The following SIPA1L3 variants were observed in gnomAD, a reference collection of about 807,000 sequenced individuals.
The protein encoded by SIPA1L3 is signal induced proliferation associated 1 like 3.
A neutral mutation model predicts 150.1 loss-of-function variants in SIPA1L3; 59 were observed. That is an observed-to-expected ratio of 0.39 (90% confidence interval 0.32 to 0.49). The LOEUF (loss-of-function observed/expected upper bound fraction) is 0.49. SIPA1L3 is among the 20% of genes least tolerant of loss of function. SIPA1L3 has a pLI of 0.86. For synonymous variants in SIPA1L3, 1,070 were observed against 1,077.6 expected (o/e 0.99, Z 0.14); for missense variants, 2,211 against 2,489.5 (o/e 0.89, Z 2.38).
At chr19:38,064,137 C>T (rs531772070) in intron 2 of SIPA1L3, among the ~76,000 whole-genome samples, 4 of 152,232 alleles carry the variant, frequency 2.6e-5, no homozygotes, top group African/African-American at 9.6e-5. Context: ...CTCATTAGAG[C>T]GAATAGGACT....
intron 8 of SIPA1L3, among the ~76,000 whole-genome samples, chr19:38,110,648 T>C (rs1970717442): frequency 6.6e-6 from 1 of 152,214 alleles, no homozygotes. Flanking sequence ...TCAATGTGGC[T>C]TAAGACAAAA....
At chr19:37,996,654 A>G (rs959557015) in intron 1 of SIPA1L3, among the ~76,000 whole-genome samples, 6 of 151,964 alleles carry the variant, frequency 3.9e-5, no homozygotes, top group Non-Finnish European at 5.9e-5. Context: ...GTGTCCTTTG[A>G]CCAACATCTC....
intron 1 of SIPA1L3, among the ~76,000 whole-genome samples, chr19:38,025,061 A>G (rs73930332): frequency 2.6e-5 from 4 of 152,172 alleles, no homozygotes; most frequent in African/African-American, 9.6e-5. Flanking sequence ...CAGGTGGCAA[A>G]GAAGTCCTCA....
intron 16 of SIPA1L3, among the ~76,000 whole-genome samples, chr19:38,190,246 G>C (rs1361599397): frequency 6.6e-6 from 1 of 152,202 alleles, no homozygotes; most frequent in Admixed American, 6.5e-5. Flanking sequence ...ACTGCCGGGA[G>C]ATGGGCACCA....
intron 9 of SIPA1L3, among the ~76,000 whole-genome samples, chr19:38,125,405 C>T (rs1168900424): frequency 6.6e-6 from 1 of 152,166 alleles, no homozygotes; most frequent in Non-Finnish European, 1.5e-5. Flanking sequence ...GTTTCTTGAG[C>T]AGGGACCATG....
intron 2 of SIPA1L3, among the ~76,000 whole-genome samples, chr19:38,029,856 CTT>C (rs35091359): frequency 8.3e-5 from 10 of 120,814 alleles, no homozygotes; most frequent in African/African-American, 1.3e-4. Flanking sequence ...ACCTCGGCCT[CTT>C]TTTTTTTTTT....
chr19:38,119,808 C>T lies in SIPA1L3; in HGVS notation c.2794C>T (p.Arg932Ter), dbSNP rs1970976303. ...DSSTLKIFYG[R>*]GDHIFLQATE... ...CTCCACACTCAAAATCTTCTATGGACGAGGAGACCACATCTTCCTACAGGC... is the reference window on the plus strand; with the variant it reads ...CTCCACACTCAAAATCTTCTATGGATGAGGAGACCACATCTTCCTACAGGC... The change falls in exon 9 of 22, where the codon CGA becomes TGA. Residue 932 changes from arginine to a stop codon, truncating the protein, a stop_gained. Coordinates refer to ENST00000222345, the MANE Select transcript of SIPA1L3 (RefSeq NM_015073.3). LOFTEE classifies it high-confidence loss of function. 3.1e-6 allele frequency: 5 copies of T among 1,613,710 alleles called. No homozygotes were observed. The highest frequency in any genetic ancestry group is 4.2e-6 in the Non-Finnish European group (5 of 1,180,034).
In SIPA1L3 at chr19:37,967,952, C is replaced by T. The variant is rs114857782; in HGVS notation, c.-379+60594C>T. Among the ~76,000 whole-genome samples, 457 of 139,552 alleles carry T rather than the reference C, an allele frequency of 3.3e-3. 6 individuals are homozygous for T. The highest frequency in any genetic ancestry group is 0.01 in the African/African-American group (417 of 40,592). 91.6% of individuals were successfully genotyped at this position (139,552 alleles called of 152,430 possible). ...GGGATTACGGGAGTGAGCCCTGGCG[C>T]CCAGCCACTTACGTTATTGATTCAT... On this transcript the variant is annotated intron_variant, in intron 1 of 21. Transcript: ENST00000222345.
At chr19:37,942,183 C>T (rs1377427468) in intron 1 of SIPA1L3, among the ~76,000 whole-genome samples, 4 of 152,032 alleles carry the variant, frequency 2.6e-5, no homozygotes, top group African/African-American at 9.7e-5. Flanking sequence ...TAAGGTCTGT[C>T]CTCCTGGAGT....
chr19:37,934,486 T>G (rs2046583077), intron 1 of SIPA1L3, among the ~76,000 whole-genome samples: 1 of 152,218 alleles, frequency 6.6e-6, no homozygotes, highest in Non-Finnish European at 1.5e-5. Context: ...CACAGGTTCC[T>G]TATCTGGAAA....
intron 1 of SIPA1L3, among the ~76,000 whole-genome samples, chr19:38,003,692 G>C (rs972167560): frequency 6.6e-6 from 1 of 152,174 alleles, no homozygotes; most frequent in Non-Finnish European, 1.5e-5. Context: ...GAGAGAGCTC[G>C]TTGTGGAACC....
rs372675991 is a variant in SIPA1L3 at position 38,171,827 on chromosome 19, A to C, written c.4208+6921A>C. Among the ~76,000 whole-genome samples the C allele has an allele frequency of 2.0e-3, 304 of 152,250 alleles. 2 individuals carry two copies. The highest frequency in any genetic ancestry group is 6.8e-3 in the African/African-American group (284 of 41,552). On this transcript the variant is annotated intron_variant, in intron 15 of 21. Transcript: ENST00000222345. Reference sequence around the variant, plus strand: ...TGCTGTGATTGCACCACTGCACTCCATCCTGGGTAACTGATTGACACCCTG... The same window carrying C: ...TGCTGTGATTGCACCACTGCACTCCCTCCTGGGTAACTGATTGACACCCTG...
chr19:38,191,521 C>G (rs1384106075), intron 16 of SIPA1L3, among the ~76,000 whole-genome samples: 1 of 150,452 alleles, frequency 6.6e-6, no homozygotes, highest in Non-Finnish European at 1.5e-5. Context: ...TGACAATAGG[C>G]AAAGACACAG....
intron 11 of SIPA1L3, among the ~76,000 whole-genome samples, 169 bp downstream of exon 11, chr19:38,141,604 G>C (rs990352462): frequency 6.6e-5 from 10 of 151,970 alleles, no homozygotes; most frequent in Admixed American, 5.3e-4. Flanking sequence ...CTTCGTTTCA[G>C]CTTTCACCGT....
At chr19:38,180,032 G>A (rs1449893460) in intron 15 of SIPA1L3, among the ~76,000 whole-genome samples, 2 of 152,078 alleles carry the variant, frequency 1.3e-5, no homozygotes, top group South Asian at 2.1e-4. Context: ...GTAGAGATGG[G>A]GTTTCACCAT....
At chr19:38,011,359 C>G (rs1463618389) in intron 1 of SIPA1L3, among the ~76,000 whole-genome samples, 2 of 152,102 alleles carry the variant, frequency 1.3e-5, no homozygotes, top group Admixed American at 1.3e-4. Context: ...GCCTGTAGTC[C>G]CAGCTACTTG....
chr19:38,196,396 A>G (rs62123461), intron 18 of SIPA1L3, among the ~76,000 whole-genome samples: 869 of 48,904 alleles, frequency 0.018, 9 homozygotes, highest in African/African-American at 0.041. Context: ...GGTCAAGGGC[A>G]GAGCAAGGAG....
chr19:38,087,176 A>G (rs760555051), intron 3 of SIPA1L3, among the ~76,000 whole-genome samples: 3 of 152,246 alleles, frequency 2.0e-5, no homozygotes, highest in Non-Finnish European at 4.4e-5. Flanking sequence ...TGTCAAAGCT[A>G]GTAAATAAGT....
At chr19:38,147,689 T>G (rs1223422695) in intron 12 of SIPA1L3, among the ~76,000 whole-genome samples, 7 of 152,042 alleles carry the variant, frequency 4.6e-5, no homozygotes, top group Non-Finnish European at 1.0e-4. Flanking sequence ...AATGGGGGAG[T>G]GCAGAATTAA....
Sources: allele counts gnomAD v4.1 joint callset (sites outside exome capture counted in the v4.1 genomes callset), GRCh38; gene constraint gnomAD v4.1.1; transcripts MANE v1.5; gene names NCBI Gene and HGNC (gene_info 2026-07-23, HGNC 2026-07-21).